Variants in CADM2 observed in about 807,000 individuals in gnomAD.
CADM2 encodes immunoglobulin superfamily member 4D.
A neutral mutation model predicts 49.8 loss-of-function variants in CADM2; 12 were observed. That is an observed-to-expected ratio of 0.24 (90% CI 0.15 to 0.39). The LOEUF is 0.39. Ranked by LOEUF, CADM2 falls within the 10% of genes least tolerant of loss-of-function variation. The probability of loss-of-function intolerance (pLI) is 1.00; values close to 1 mark genes in which losing one functional copy is unlikely to be tolerated. For missense variants in CADM2, 378 were observed against 492.3 expected (o/e 0.77, Z 2.20); for synonymous variants, 214 against 175.4 (o/e 1.22, Z -1.74).
At chr3:85,455,345 T>A (rs547509088) in intron 1 of CADM2, among the ~76,000 whole-genome samples, 43 of 152,368 alleles carry the variant, frequency 2.8e-4, no homozygotes, top group Middle Eastern at 3.4e-3. Context: ...ATTACCTTCA[T>A]CTTTCATAGC....
At chr3:85,053,668 C>T (rs1445560111) in intron 1 of CADM2, among the ~76,000 whole-genome samples, 4 of 151,896 alleles carry the variant, frequency 2.6e-5, no homozygotes, top group Admixed American at 2.6e-4. Flanking sequence ...ATACCCAGTT[C>T]TTGGAGGGGA....
chr3:85,665,193 C>T (rs1312791036), intron 1 of CADM2, among the ~76,000 whole-genome samples: 1 of 151,926 alleles, frequency 6.6e-6, no homozygotes, highest in Non-Finnish European at 1.5e-5. Flanking sequence ...ATTGTACATG[C>T]TCAGTCATTT....
chr3:85,544,962 C>T (rs928187048), intron 1 of CADM2, among the ~76,000 whole-genome samples: 1 of 152,132 alleles, frequency 6.6e-6, no homozygotes, highest in Non-Finnish European at 1.5e-5. Context: ...GATAACTTTG[C>T]TGTTTCTTAG....
intron 1 of CADM2, among the ~76,000 whole-genome samples, chr3:85,301,595 G>T (rs2044101912): frequency 6.6e-6 from 1 of 151,980 alleles, no homozygotes; most frequent in Non-Finnish European, 1.5e-5. Context: ...TTTAGAAGTG[G>T]GTGGGGGGCT....
chr3:85,468,671 A>T (rs1192963285), intron 1 of CADM2, among the ~76,000 whole-genome samples: 1 of 152,130 alleles, frequency 6.6e-6, no homozygotes, highest in African/African-American at 2.4e-5. Context: ...ATTATACATC[A>T]TTTCACTCAA....
intron 1 of CADM2, among the ~76,000 whole-genome samples, chr3:85,163,495 C>G (rs914924369): frequency 6.6e-6 from 1 of 152,004 alleles, no homozygotes; most frequent in Admixed American, 6.6e-5. Context: ...TGAGGACACA[C>G]CGATACTATA....
chr3:86,050,952 T>C (rs1440506995), intron 8 of CADM2, among the ~76,000 whole-genome samples: 1 of 152,210 alleles, frequency 6.6e-6, no homozygotes, highest in Non-Finnish European at 1.5e-5. Context: ...TTATCTTGGC[T>C]TTTTACTTAT....
chr3:85,070,229 G>A (rs1465942583), intron 1 of CADM2, among the ~76,000 whole-genome samples: 6 of 151,924 alleles, frequency 3.9e-5, no homozygotes, highest in South Asian at 4.1e-4. Flanking sequence ...AAAATGTGGC[G>A]ATTATGTGGG....
chr3:85,606,685 C>A (rs550619796), intron 1 of CADM2, among the ~76,000 whole-genome samples: 94 of 152,142 alleles, frequency 6.2e-4, no homozygotes, highest in African/African-American at 2.1e-3. Context: ...TATATCTGAG[C>A]TGGACCTTAA....
intron 1 of CADM2, among the ~76,000 whole-genome samples, chr3:85,393,966 C>G (rs147793760): frequency 0.012 from 1,759 of 152,088 alleles, 38 homozygotes; most frequent in African/African-American, 0.04. Context: ...GTCACCACGC[C>G]TCGCTAATTT....
intron 1 of CADM2, among the ~76,000 whole-genome samples, chr3:85,232,835 T>G (rs373902150): frequency 6.6e-6 from 1 of 152,182 alleles, no homozygotes; most frequent in Non-Finnish European, 1.5e-5. Flanking sequence ...ACAGTTTGAT[T>G]GTGTCTTACA....
chr3:85,925,408 G>A (rs1413167710), intron 6 of CADM2, among the ~76,000 whole-genome samples: 4 of 152,064 alleles, frequency 2.6e-5, no homozygotes, highest in Admixed American at 1.3e-4. Context: ...TTAACACACC[G>A]TTGAAGAAAA....
At chr3:85,579,440 G>C (rs2062731027) in intron 1 of CADM2, among the ~76,000 whole-genome samples, 1 of 152,086 alleles carries the variant, frequency 6.6e-6, no homozygotes. Flanking sequence ...ATGGGTCTTT[G>C]TGACCAGCAA....
chr3:85,943,696 C>CAG (rs1156381554), intron 7 of CADM2, among the ~76,000 whole-genome samples: 1 of 151,822 alleles, frequency 6.6e-6, no homozygotes, highest in Admixed American at 6.6e-5. Context: ...GGTACCAAAA[C>CAG]AGAGATATAG....
At chr3:85,201,919 A>G (rs971861124) in intron 1 of CADM2, among the ~76,000 whole-genome samples, 6 of 151,956 alleles carry the variant, frequency 3.9e-5, no homozygotes, top group Non-Finnish European at 8.8e-5. Flanking sequence ...CGTCTCTACT[A>G]AAAATACAAA....
chr3:85,057,008 T>C (rs1334538383), intron 1 of CADM2, among the ~76,000 whole-genome samples: 1 of 152,160 alleles, frequency 6.6e-6, no homozygotes, highest in African/African-American at 2.4e-5. Flanking sequence ...AGTTTCCATG[T>C]AATTCTAATG....
rs149403068 is a variant in CADM2, at chr3:85,540,708, C to G, written c.62-185814C>G. On this transcript the variant is annotated intron_variant, in intron 1 of 9. Coordinates refer to ENST00000383699, the MANE Select transcript of CADM2 (RefSeq NM_001167675.2). ...AAAAGGCATTTTATTGCAATAGAAA[C>G]TGTGTTCATCTACTAGGGTTCCCAT... Among the ~76,000 whole-genome samples the G allele has an allele frequency of 1.0e-3, 157 of 152,222 alleles. 1 individual carries two copies. The East Asian group carries it at 0.018, about 17-fold the overall frequency.
intron 1 of CADM2, among the ~76,000 whole-genome samples, chr3:85,688,856 C>T (rs144723455): frequency 1.3e-5 from 2 of 152,298 alleles, no homozygotes; most frequent in East Asian, 3.9e-4. Context: ...GCATAAGCCA[C>T]TGCACCTGGC....
intron 1 of CADM2, among the ~76,000 whole-genome samples, chr3:85,422,431 C>A (rs2107500606): frequency 6.6e-6 from 1 of 152,164 alleles, no homozygotes. Context: ...GTGCCTGCCA[C>A]CACGCCCGGC....
Sources: allele counts gnomAD v4.1 joint callset (sites outside exome capture counted in the v4.1 genomes callset), GRCh38; gene constraint gnomAD v4.1.1; transcripts MANE v1.5; gene names NCBI Gene and HGNC (gene_info 2026-07-23, HGNC 2026-07-21).